Variants in LRMDA observed in about 807,000 individuals in gnomAD.
The protein encoded by LRMDA is leucine rich melanocyte differentiation associated.
LRMDA carries 18 observed loss-of-function variants against 29.8 expected under a neutral mutation model. The ratio of observed to expected loss-of-function variants is 0.60; its 90% CI spans 0.42 to 0.90. The LOEUF (loss-of-function observed/expected upper bound fraction) is 0.90, where lower values mean the gene tolerates loss of function less well. Ranked by LOEUF, LRMDA falls within the 40% of genes least tolerant of loss-of-function variation. LRMDA has a pLI of 0.00. For synonymous variants in LRMDA, 125 were observed against 109.4 expected (o/e 1.14, Z -0.89); for missense variants, 273 against 273.9 (o/e 1.00, Z 0.02).
At chr10:75,475,029 G>C (rs545790730) in intron 2 of LRMDA, among the ~76,000 whole-genome samples, 1 of 152,184 alleles carries the variant, frequency 6.6e-6, no homozygotes. Flanking sequence ...CCTGCACATA[G>C]TCATGTTCAA....
At chr10:75,963,297 A>G (rs924034117) in intron 2 of LRMDA, among the ~76,000 whole-genome samples, 1 of 152,194 alleles carries the variant, frequency 6.6e-6, no homozygotes, top group Admixed American at 6.5e-5. Context: ...ATCACCAAAT[A>G]CACTTCTTTT....
chr10:76,250,577 A>G (rs1852459517), intron 5 of LRMDA, among the ~76,000 whole-genome samples: 1 of 152,238 alleles, frequency 6.6e-6, no homozygotes, highest in South Asian at 2.1e-4. Flanking sequence ...TATTTGGAGC[A>G]TTTCAATTTA....
intron 2 of LRMDA, among the ~76,000 whole-genome samples, chr10:75,775,011 A>G (rs899898458): frequency 2.0e-5 from 3 of 152,208 alleles, no homozygotes; most frequent in African/African-American, 7.2e-5. Flanking sequence ...TGGTTTATCT[A>G]CATTCACTTA....
chr10:75,609,728 A>C (rs990187136), intron 2 of LRMDA, among the ~76,000 whole-genome samples: 8 of 152,212 alleles, frequency 5.3e-5, no homozygotes, highest in African/African-American at 1.7e-4. Flanking sequence ...ATTACAGAGC[A>C]TGATGTGAGC....
chr10:76,159,141 TA>T (rs1221281025), intron 5 of LRMDA, among the ~76,000 whole-genome samples: 1 of 152,174 alleles, frequency 6.6e-6, no homozygotes, highest in Non-Finnish European at 1.5e-5. Flanking sequence ...TTTGGAAAAA[TA>T]TACCTTAAAG....
intron 2 of LRMDA, among the ~76,000 whole-genome samples, chr10:75,554,568 A>C (rs565672879): frequency 1.3e-5 from 2 of 152,304 alleles, no homozygotes; most frequent in East Asian, 1.9e-4. Context: ...AGGAGCTCCC[A>C]ATCTAGAATT....
At chr10:75,783,631 C>G (rs891660488) in intron 2 of LRMDA, among the ~76,000 whole-genome samples, 1 of 152,120 alleles carries the variant, frequency 6.6e-6, no homozygotes, top group African/African-American at 2.4e-5. Context: ...AAGTGAGTCT[C>G]CTTGACCATG....
At chr10:76,517,576 C>G (rs926436281) in intron 6 of LRMDA, among the ~76,000 whole-genome samples, 1 of 151,856 alleles carries the variant, frequency 6.6e-6, no homozygotes, top group African/African-American at 2.4e-5. Context: ...GTATATTCAA[C>G]TAAAAGAACT....
At chr10:76,089,587 G>A (rs1849195942) in intron 5 of LRMDA, among the ~76,000 whole-genome samples, 1 of 152,150 alleles carries the variant, frequency 6.6e-6, no homozygotes, top group Non-Finnish European at 1.5e-5. Context: ...ATCCTTGTCT[G>A]TTATGCTTGG....
At chr10:76,106,238 C>T (rs1410120428) in intron 5 of LRMDA, among the ~76,000 whole-genome samples, 5 of 152,158 alleles carry the variant, frequency 3.3e-5, no homozygotes, top group African/African-American at 4.8e-5. Context: ...AATGTGAGTA[C>T]GTCTGACATT....
intron 2 of LRMDA, among the ~76,000 whole-genome samples, chr10:75,570,438 G>A (rs1840424916): frequency 6.6e-6 from 1 of 152,014 alleles, no homozygotes; most frequent in African/African-American, 2.4e-5. Flanking sequence ...TCTTTTTCTT[G>A]GGGTGCTTTT....
intron 6 of LRMDA, among the ~76,000 whole-genome samples, chr10:76,436,202 A>G (rs1359003373): frequency 1.3e-5 from 2 of 152,172 alleles, no homozygotes; most frequent in African/African-American, 4.8e-5. Context: ...GAGTTAGTGA[A>G]ATAGAGGCTG....
chr10:75,580,035 C>T (rs1840566307), intron 2 of LRMDA, among the ~76,000 whole-genome samples: 1 of 152,180 alleles, frequency 6.6e-6, no homozygotes, highest in Non-Finnish European at 1.5e-5. Context: ...CGTCTCTCAC[C>T]ACTCCTATTC....
intron 2 of LRMDA, among the ~76,000 whole-genome samples, chr10:75,992,038 T>C (rs543593595): frequency 6.6e-6 from 1 of 152,218 alleles, no homozygotes; most frequent in East Asian, 1.9e-4. Flanking sequence ...ATTTAGTATT[T>C]CTATGTCCCT....
chr10:76,538,480 A>C, intron 6 of LRMDA, among the ~76,000 whole-genome samples: 1 of 137,124 alleles, frequency 7.3e-6, no homozygotes, highest in African/African-American at 3.0e-5. Context: ...ATGTATATAC[A>C]TATTTATATA....
intron 2 of LRMDA, among the ~76,000 whole-genome samples, chr10:76,018,477 G>A (rs940318840): frequency 4.6e-5 from 7 of 152,006 alleles, no homozygotes; most frequent in African/African-American, 1.2e-4. Flanking sequence ...CAGACATGTC[G>A]TATTAGGAAG....
chr10:75,821,768 CAAAA>C (rs987234987), intron 2 of LRMDA, among the ~76,000 whole-genome samples: 48 of 121,510 alleles, frequency 4.0e-4, no homozygotes, highest in South Asian at 1.9e-3. Context: ...GACTCCATCT[CAAAA>C]AACAAACAAA....
intron 2 of LRMDA, among the ~76,000 whole-genome samples, chr10:76,002,360 G>C (rs1014282832): frequency 6.6e-6 from 1 of 152,194 alleles, no homozygotes; most frequent in African/African-American, 2.4e-5. Context: ...ATTTGAGGAG[G>C]TTGCGGGGTG....
At chr10:76,476,349 G>A (rs1842670853) in intron 6 of LRMDA, among the ~76,000 whole-genome samples, 1 of 152,044 alleles carries the variant, frequency 6.6e-6, no homozygotes, top group Non-Finnish European at 1.5e-5. Context: ...GACTAAACCA[G>A]GAAGAAGCAA....
Sources: allele counts gnomAD v4.1 joint callset (sites outside exome capture counted in the v4.1 genomes callset), GRCh38; gene constraint gnomAD v4.1.1; transcripts MANE v1.5; gene names NCBI Gene and HGNC (gene_info 2026-07-23, HGNC 2026-07-21).